PDGFB: variants seen among roughly 807,000 people sequenced by gnomAD.
The protein encoded by PDGFB is platelet-derived growth factor subunit B.
A neutral mutation model predicts 29.0 loss-of-function variants in PDGFB; 6 were observed. The observed-to-expected ratio is 0.21, with a 90% CI of 0.11 to 0.41. The LOEUF (loss-of-function observed/expected upper bound fraction) is 0.41. Ranked by LOEUF, PDGFB falls within the 10% of genes least tolerant of loss-of-function variation. The probability of loss-of-function intolerance (pLI) is 1.00; values close to 1 mark genes in which losing one functional copy is unlikely to be tolerated. For synonymous variants in PDGFB, 144 were observed against 140.8 expected (o/e 1.02, Z -0.16); for missense variants, 299 against 341.8 (o/e 0.87, Z 0.99).
At chr22:39,240,304 C>A (rs910790839) in intron 1 of PDGFB, among the ~76,000 whole-genome samples, 5 of 152,112 alleles carry the variant, frequency 3.3e-5, no homozygotes, top group Non-Finnish European at 7.4e-5. Context: ...CCAGGGGATT[C>A]TGCCATTCTT....
Position 39,231,839 on chromosome 22 carries a change from C to T in PDGFB, c.251-12G>A, listed in dbSNP as rs374390669. On this transcript the variant is annotated splice_polypyrimidine_tract_variant and intron_variant, in intron 3 of 6. Coordinates refer to ENST00000331163, the MANE Select transcript of PDGFB (RefSeq NM_002608.4). The surrounding 1 kb of genome is among the most constrained non-coding windows in gnomAD (Gnocchi z 4.3). ...AATGGTCAGGGAACCTGGGAGGAGA[C>T]GAAACCTGGGTCAGGAGCGTAGGCC... 525 of 1,609,886 alleles carry T rather than the reference C, an allele frequency of 3.3e-4. 1 individual carries two copies. Among genetic ancestry groups the T allele is most frequent in the Non-Finnish European group, 4.1e-4 (483 of 1,179,072 alleles).
chr22:39,228,357 G>A (rs1932215229), intron 5 of PDGFB, among the ~76,000 whole-genome samples: 1 of 152,186 alleles, frequency 6.6e-6, no homozygotes, highest in African/African-American at 2.4e-5. Context: ...GGGAGGCTGA[G>A]GTGGGAGGAT....
At chr22:39,239,527 C>T (rs533390804) in intron 1 of PDGFB, among the ~76,000 whole-genome samples, 16 of 152,250 alleles carry the variant, frequency 1.1e-4, no homozygotes, top group Non-Finnish European at 1.8e-4. Context: ...GTGAGCCGCC[C>T]GGAGCCTGGT....
In PDGFB at chr22:39,239,286, A is replaced by T. The variant is rs142272768; in HGVS notation, c.64-3412T>A. Among the ~76,000 whole-genome samples the T allele has an allele frequency of 2.9e-4, 44 of 152,182 alleles. No homozygotes were observed. In the East Asian group the frequency reaches 7.7e-3, roughly 27 times the overall value. On this transcript the variant is annotated intron_variant, in intron 1 of 6. Coordinates refer to ENST00000331163, the MANE Select transcript of PDGFB (RefSeq NM_002608.4). The stretch of plus-strand genomic sequence containing the variant: ...GGAGTGGGTGGAGAGCTGCCTGCCC[A>T]TGAAAGAGTGCGTGACTTTGCATTA...
chr22:39,233,380 T>C (rs1340969691), intron 3 of PDGFB, 55 bp downstream of exon 3: 1 of 1,391,826 alleles, frequency 7.2e-7, no homozygotes, highest in Non-Finnish European at 1.0e-6. Context: ...CCCCGTTCTC[T>C]TTCCCTGGCC....
At chr22:39,229,172 C>T (rs535428020) in intron 5 of PDGFB, among the ~76,000 whole-genome samples, 9 of 151,996 alleles carry the variant, frequency 5.9e-5, no homozygotes, top group African/African-American at 1.4e-4. Context: ...TTTTTTTAAA[C>T]GCTCATCTAA....
At chr22:39,229,406 C>T (rs1932242814) in intron 5 of PDGFB, among the ~76,000 whole-genome samples, 1 of 152,188 alleles carries the variant, frequency 6.6e-6, no homozygotes, top group South Asian at 2.1e-4. Flanking sequence ...CCACCTTGCA[C>T]CCCTGACTGA....
intron 6 of PDGFB, 127 bp downstream of exon 6, chr22:39,225,566 CTG>C (rs1206634004): frequency 1.1e-6 from 1 of 900,188 alleles, no homozygotes; most frequent in Non-Finnish European, 1.6e-6. Flanking sequence ...CAGCTGATAA[CTG>C]GACAGGGAGG....
At position 39,235,784 on chromosome 22, in the gene PDGFB, G is replaced by A. The variant is rs766166504; in HGVS notation, c.154C>T (p.Pro52Ser). ...DDLQRLLHGDPGEEDGAELDL... is the reference protein window; with the variant it reads ...DDLQRLLHGDSGEEDGAELDL... ...GGGCGAGGATTCCATTTACCTCCGG[G>A]GTCTCCGTGCAGCAGGCGTTGGAGA... The change falls in exon 2 of 7, where the codon CCC (proline) becomes TCC (serine). Residue 52 changes from proline (P) to serine (S), a missense_variant. Transcript: ENST00000331163. The A allele has an allele frequency of 5.0e-6, 8 of 1,612,046 alleles. No individual in the cohort carries two copies. The highest frequency in any genetic ancestry group is 6.8e-6 in the Non-Finnish European group (8 of 1,178,294).
Position 39,243,998 on chromosome 22 carries a change from C to A in PDGFB, c.-35G>T. 3 of 1,363,878 alleles carry A rather than the reference C, an allele frequency of 2.2e-6. No individual in the cohort carries two copies. The highest frequency in any genetic ancestry group is 3.8e-5 in the East Asian group (1 of 26,084). The allele number at this position is 1,363,878 out of a possible 1,614,324, so 84.5% of individuals were successfully genotyped here. A position where few individuals can be genotyped will look rare whatever the true frequency, so the allele number is the denominator to read the frequency against. ...GGGCCCGGCCCCGCGGGGCCCCGGA[C>A]GCGTAGATCGAGCGCGCCGCCCCCG... On this transcript the variant is annotated 5_prime_UTR_variant, in exon 1 of 7. Coordinates refer to ENST00000331163, the MANE Select transcript of PDGFB (RefSeq NM_002608.4). This position sits in a 1 kb window ranked among gnomAD's most constrained non-coding sequence, Gnocchi z 6.4.
chr22:39,225,934 G>A, intron 5 of PDGFB, 87 bp from the exon 6 acceptor site: 1 of 1,472,892 alleles, frequency 6.8e-7, no homozygotes, highest in South Asian at 1.3e-5. Context: ...TGGACCTTCT[G>A]GGCTCAGGAA....
Position 39,244,072 on chromosome 22 carries a change from C to CGGCGATCA in PDGFB, c.-117_-110dup. The stretch of plus-strand genomic sequence containing the variant: ...GGGGGGTGGGCTCGGCTCGGGTCCG[C>CGGCGATCA]GGCGATCAGGCGCTCAGGCCTCTGC... On this transcript the variant is annotated 5_prime_UTR_variant, in exon 1 of 7. Coordinates refer to ENST00000331163, the MANE Select transcript of PDGFB (RefSeq NM_002608.4). This position sits in a 1 kb window ranked among gnomAD's most constrained non-coding sequence, Gnocchi z 4.5. 1 of 569,304 alleles carries CGGCGATCA rather than the reference C, an allele frequency of 1.8e-6. No homozygotes were observed. Among genetic ancestry groups the CGGCGATCA allele is most frequent in the Non-Finnish European group, 2.7e-6 (1 of 363,914 alleles). The allele number at this position is 569,304 out of a possible 1,614,324, so 35.3% of individuals were successfully genotyped here.
rs754421060 is a variant in PDGFB, at chr22:39,230,274, A to T, written c.457-46T>A. 1.9e-6 allele frequency: 3 copies of T among 1,606,280 alleles called. No individual in the cohort carries two copies. The East Asian group carries it at 6.7e-5, about 36-fold the overall frequency. On this transcript the variant is annotated intron_variant, in intron 4 of 6. Transcript: ENST00000331163. ...ATGCCTCTGTAGAGACCACACAGCC[A>T]GGAGCCCGGGAAGCCCGAATGGCTT...
At position 39,231,998 on chromosome 22, in the gene PDGFB, G is replaced by A. The variant is rs911208961; in HGVS notation, c.251-171C>T. 1.3e-5 allele frequency among the ~76,000 whole-genome samples: 2 copies of A among 151,952 alleles called. No individual in the cohort carries two copies. Among genetic ancestry groups the A allele is most frequent in the East Asian group, 1.9e-4 (1 of 5,170 alleles). ...AGCCATGGGACTTGGGCAGATGGCT[G>A]AGCCACTCTAAGCCTGTGTTTCCCC... On this transcript the variant is annotated intron_variant, in intron 3 of 6. Transcript: ENST00000331163. This position sits in a 1 kb window ranked among gnomAD's most constrained non-coding sequence, Gnocchi z 4.3.
At chr22:39,230,251 G>C (rs754270223) in intron 4 of PDGFB, 23 bp from the exon 5 acceptor site, 1 of 1,612,706 alleles carries the variant, frequency 6.2e-7, no homozygotes. Context: ...GCCACAAAAT[G>C]CCTCTGTAGA....
At chr22:39,229,077 G>A (rs1360709149) in intron 5 of PDGFB, among the ~76,000 whole-genome samples, 1 of 152,032 alleles carries the variant, frequency 6.6e-6, no homozygotes, top group Non-Finnish European at 1.5e-5. Context: ...CGTCTTCAGG[G>A]TCTTGTTAAT....
chr22:39,238,570 G>A (rs1355166528), intron 1 of PDGFB, among the ~76,000 whole-genome samples: 1 of 152,208 alleles, frequency 6.6e-6, no homozygotes, highest in Non-Finnish European at 1.5e-5. Context: ...CTCCAGATGA[G>A]AACACTGAAG....
At chr22:39,234,511 G>A (rs112414624) in intron 2 of PDGFB, among the ~76,000 whole-genome samples, 66 of 152,304 alleles carry the variant, frequency 4.3e-4, no homozygotes, top group African/African-American at 1.6e-3. Flanking sequence ...TTCTGGCACC[G>A]ACCCACTGGC....
Position 39,225,734 on chromosome 22 carries a change from G to C in PDGFB, c.715C>G (p.Leu239Val), listed in dbSNP as rs775740429. Reference protein sequence around the residue: ...THDKTALKETLGA With the variant: ...THDKTALKETVGA Reference sequence around the variant, plus strand: ...TCCTGCCGATGCCCCTAGGCTCCAAGGGTCTCCTTCAGTGCCGTCTTGTCA... The same window carrying C: ...TCCTGCCGATGCCCCTAGGCTCCAACGGTCTCCTTCAGTGCCGTCTTGTCA... Residue 239 changes from leucine to valine, a missense_variant, in exon 6 of 7, where the codon CTT (leucine) becomes GTT (valine). By Grantham distance (32) the Leu-to-Val change is conservative. Coordinates refer to ENST00000331163, the MANE Select transcript of PDGFB (RefSeq NM_002608.4). The C allele has an allele frequency of 3.7e-6, 6 of 1,613,918 alleles. No homozygotes were observed. The highest frequency in any genetic ancestry group is 5.1e-6 in the Non-Finnish European group (6 of 1,179,930).
Sources: allele counts gnomAD v4.1 joint callset (sites outside exome capture counted in the v4.1 genomes callset), GRCh38; gene constraint gnomAD v4.1.1; non-coding constraint Gnocchi (gnomAD v3.1); transcripts MANE v1.5; gene names NCBI Gene and HGNC (gene_info 2026-07-23, HGNC 2026-07-21).